Variants in MRE11 observed in about 807,000 individuals in gnomAD.
The protein encoded by MRE11 is MRE11 double strand break repair nuclease, also known as double-strand break repair protein MRE11.
MRE11 carries 62 observed loss-of-function variants against 91.7 expected under a neutral mutation model. That is an observed-to-expected ratio of 0.68 (90% confidence interval 0.55 to 0.84). MRE11 has a LOEUF of 0.84. Ranked by LOEUF, MRE11 falls within the 40% of genes least tolerant of loss-of-function variation. The probability of loss-of-function intolerance (pLI) is 0.00; values close to 1 mark genes in which losing one functional copy is unlikely to be tolerated. For synonymous variants in MRE11, 273 were observed against 271.4 expected (o/e 1.01, Z -0.06); for missense variants, 796 against 852.9 (o/e 0.93, Z 0.83).
At chr11:94,422,717 T>C (rs1945206322) in intron 19 of MRE11, among the ~76,000 whole-genome samples, 1 of 152,100 alleles carries the variant, frequency 6.6e-6, no homozygotes, top group Non-Finnish European at 1.5e-5. Flanking sequence ...TCAATGAAAC[T>C]ATTTTTTTTT....
At chr11:94,431,294 G>C (rs1945456775) in intron 18 of MRE11, among the ~76,000 whole-genome samples, 2 of 152,140 alleles carry the variant, frequency 1.3e-5, no homozygotes. Flanking sequence ...TAGCAGATTA[G>C]CACAATTATC....
rs745332888 is a variant in MRE11 at position 94,486,003 on chromosome 11, A to G, written c.235T>C (p.Leu79=). 1 of 1,613,956 alleles carries G rather than the reference A, an allele frequency of 6.2e-7. No individual in the cohort carries two copies. The highest frequency in any genetic ancestry group is 1.1e-5 in the South Asian group (1 of 91,078). ...RKTLHTCLEL[L]RKYCMGDRPV... The stretch of plus-strand genomic sequence containing the variant: ...CGATCACCCATACAATATTTTCTTA[A>G]TAACTCGAGGCAGGTATGTAATGTT... Residue 79 remains leucine, a synonymous_variant, in exon 4 of 20, where the codon TTA becomes CTA. Transcript: ENST00000323929.
At chr11:94,509,673 C>T in the MRE11 span, among the ~76,000 whole-genome samples, 1 of 152,168 alleles carries the variant, frequency 6.6e-6, no homozygotes, top group Non-Finnish European at 1.5e-5. Flanking sequence ...ATCCCTTGAC[C>T]TCATGATCCA....
At chr11:94,437,374 T>G (rs1379312606) in intron 16 of MRE11, 139 bp from the exon 17 acceptor site, 2 of 722,536 alleles carry the variant, frequency 2.8e-6, no homozygotes, top group Non-Finnish European at 4.5e-6. Context: ...ATTTGATATT[T>G]TTAAAAATCT....
intron 16 of MRE11, among the ~76,000 whole-genome samples, chr11:94,437,579 C>G (rs902538612): frequency 5.3e-5 from 8 of 152,162 alleles, no homozygotes; most frequent in Non-Finnish European, 1.2e-4. Flanking sequence ...CTCCTAATCC[C>G]TTCTTTGTTG....
intron 16 of MRE11, among the ~76,000 whole-genome samples, chr11:94,445,246 G>A (rs1945892539): frequency 6.6e-6 from 1 of 152,142 alleles, no homozygotes; most frequent in Non-Finnish European, 1.5e-5. Context: ...TGTTTCCAGG[G>A]TCTCTCTGCC....
intron 7 of MRE11, among the ~76,000 whole-genome samples, chr11:94,474,064 T>C (rs1056615100): frequency 1.3e-5 from 2 of 152,162 alleles, no homozygotes; most frequent in Admixed American, 1.3e-4. Flanking sequence ...TCTATTCCCA[T>C]AACTCTGTTC....
rs1945116351 is a variant in MRE11 at position 94,419,578 on chromosome 11, G to C, written c.*547C>G. On this transcript the variant is annotated 3_prime_UTR_variant, in exon 20 of 20. Coordinates refer to ENST00000323929, the MANE Select transcript of MRE11 (RefSeq NM_005591.4). ...TCTTTTGAAATCTTTGCTACAACTG[G>C]AATAAAAAACTCAGTAATTCTGAAA... The C allele has an allele frequency of 4.3e-6, 1 of 231,976 alleles. No individual in the cohort carries two copies. Among genetic ancestry groups the C allele is most frequent in the South Asian group, 1.8e-4 (1 of 5,502 alleles). 14.4% of individuals were successfully genotyped at this position (231,976 alleles called of 1,614,324 possible). A position where few individuals can be genotyped will look rare whatever the true frequency, so the allele number is the denominator to read the frequency against.
upstream of MRE11, chr11:94,498,028 T>G (rs1431874627): frequency 6.9e-7 from 1 of 1,440,978 alleles, no homozygotes; most frequent in African/African-American, 1.4e-5. Flanking sequence ...AGTTATTGTT[T>G]TGGTTTGAGT....
chr11:94,446,834 G>A (rs768701542), intron 15 of MRE11, among the ~76,000 whole-genome samples: 4 of 152,170 alleles, frequency 2.6e-5, no homozygotes, highest in Non-Finnish European at 5.9e-5. Context: ...ATAATTGTAT[G>A]ATCTGGAGTT....
At chr11:94,429,419 A>G (rs1186229484) in intron 19 of MRE11, among the ~76,000 whole-genome samples, 2 of 152,246 alleles carry the variant, frequency 1.3e-5, no homozygotes, top group Non-Finnish European at 2.9e-5. Flanking sequence ...TAGCAAAGAC[A>G]TGGAATCAAC....
At chr11:94,459,072 GA>G (rs1342838381) in intron 13 of MRE11, among the ~76,000 whole-genome samples, 4 of 152,000 alleles carry the variant, frequency 2.6e-5, no homozygotes, top group Non-Finnish European at 5.9e-5. Context: ...TTTTCTAAAT[GA>G]AATTCAAGAT....
chr11:94,475,624 C>G (rs1284085201), intron 7 of MRE11: 1 of 455,620 alleles, frequency 2.2e-6, no homozygotes, highest in Non-Finnish European at 4.4e-6. Context: ...TATACCCTGC[C>G]AACAGATTAA....
In MRE11 at chr11:94,437,233, AG is replaced by A. The variant is rs1264516058; in HGVS notation, c.1869del (p.Phe624LeufsTer20). 4 of 1,612,454 alleles carry A rather than the reference AG, an allele frequency of 2.5e-6. No individual in the cohort carries two copies. In the African/African-American group the frequency reaches 5.3e-5, roughly 21 times the overall value. On this transcript the variant is annotated frameshift_variant and splice_region_variant, in exon 17 of 20. Coordinates refer to ENST00000323929, the MANE Select transcript of MRE11 (RefSeq NM_005591.4). LOFTEE classifies it high-confidence loss of function. Reference protein sequence around the residue: ...SASRNMSIIDAFKSTRQQPSR... With the variant: ...SASRNMSIIDXFKSTRQQPSR... ...GAAGGCTGCTGTCTTGTAGATTTAAAGGCTAGAATGAAAAAGATGAAATGTG... is the reference window on the plus strand; with the variant it reads ...GAAGGCTGCTGTCTTGTAGATTTAAAGCTAGAATGAAAAAGATGAAATGTG...
intron 6 of MRE11, 137 bp from the exon 7 acceptor site, chr11:94,476,540 T>C (rs1946863176): frequency 3.1e-6 from 2 of 652,692 alleles, no homozygotes; most frequent in Non-Finnish European, 5.3e-6. Flanking sequence ...TCTGGAATAA[T>C]TTATAAGTGG....
chr11:94,424,378 C>T (rs1945253641), intron 19 of MRE11, among the ~76,000 whole-genome samples: 2 of 152,146 alleles, frequency 1.3e-5, no homozygotes, highest in Admixed American at 6.5e-5. Flanking sequence ...ACTTACACTG[C>T]AGTTAAAGGA....
At position 94,418,463 on chromosome 11, in the gene MRE11, A is replaced by G. The variant is rs1192977693; in HGVS notation, c.*1662T>C. On this transcript the variant is annotated 3_prime_UTR_variant, in exon 20 of 20. Transcript: ENST00000323929. ...ATACTTTAGTGACCATTCCCTCACT[A>G]TAACTCTCACCCAGACCCACCTAAC... 8.6e-6 allele frequency: 2 copies of G among 231,954 alleles called. No homozygotes were observed. The highest frequency in any genetic ancestry group is 1.7e-5 in the Non-Finnish European group (2 of 117,414). The allele number at this position is 231,954 out of a possible 1,614,324, so 14.4% of individuals were successfully genotyped here.
the MRE11 span, among the ~76,000 whole-genome samples, chr11:94,501,080 AGAT>A: frequency 3.3e-5 from 5 of 152,228 alleles, no homozygotes; most frequent in Non-Finnish European, 5.9e-5. Context: ...TAGGATTACT[AGAT>A]GACCACTCAA....
rs1444745732 is a variant in MRE11 at position 94,429,978 on chromosome 11, C to T, written c.2003G>A (p.Ser668Asn). Reference protein sequence around the residue: ...TTSKTDQRWSSTSSSKIMSQS... With the variant: ...TTSKTDQRWSNTSSSKIMSQS... ...GGACATGATTTTGCTGGATGATGTG[C>T]TGGACCACCTGAGGCAAAACAAAAA... is the stretch of plus-strand genomic sequence containing the variant. Residue 668 changes from serine (S) to asparagine (N), a missense_variant, in exon 19 of 20, where the codon AGC becomes AAC. Transcript: ENST00000323929. 2 of 1,614,052 alleles carry T rather than the reference C, an allele frequency of 1.2e-6. No homozygotes were observed. The highest frequency in any genetic ancestry group is 1.7e-6 in the Non-Finnish European group (2 of 1,179,984).
Sources: allele counts gnomAD v4.1 joint callset (sites outside exome capture counted in the v4.1 genomes callset), GRCh38; gene constraint gnomAD v4.1.1; transcripts MANE v1.5; gene names NCBI Gene and HGNC (gene_info 2026-07-23, HGNC 2026-07-21).